SLC43A3: variants seen among roughly 807,000 people sequenced by gnomAD.
The protein encoded by SLC43A3 is equilibrative nucleobase transporter 1.
Under a neutral mutation model 53.3 loss-of-function variants are expected in SLC43A3, and 33 were observed. The observed-to-expected ratio is 0.62, with a 90% confidence interval of 0.47 to 0.83. SLC43A3 has a LOEUF of 0.83. SLC43A3 is among the 40% of genes least tolerant of loss of function. The probability of loss-of-function intolerance (pLI) is 0.00; values close to 1 mark genes in which losing one functional copy is unlikely to be tolerated. For missense variants in SLC43A3, 530 were observed against 610.0 expected, an observed-to-expected ratio of 0.87 and a Z score of 1.38; for synonymous variants, 236 against 246.2, an observed-to-expected ratio of 0.96 and a Z score of 0.39.
At position 57,407,414 on chromosome 11, in the gene SLC43A3, T is replaced by C; in HGVS notation, c.*378A>G. The C allele has an allele frequency of 5.8e-6, 1 of 172,086 alleles. No homozygotes were observed. The highest frequency in any genetic ancestry group is 1.3e-5 in the Non-Finnish European group (1 of 79,532). The allele number at this position is 172,086 out of a possible 1,614,324, so 10.7% of individuals were successfully genotyped here. The stretch of plus-strand genomic sequence containing the variant: ...CAACCTCACTCTTCACCTGAAAATT[T>C]AACCCGTGGCAGAGGATCCAGGCAC... On this transcript the variant is annotated 3_prime_UTR_variant, in exon 14 of 14. Coordinates refer to ENST00000395124, the MANE Select transcript of SLC43A3 (RefSeq NM_199329.3).
At chr11:57,409,656 T>C (rs1942361618) in intron 12 of SLC43A3, among the ~76,000 whole-genome samples, 1 of 152,166 alleles carries the variant, frequency 6.6e-6, no homozygotes, top group Non-Finnish European at 1.5e-5. Context: ...TTCCATTTCT[T>C]CCCTGGAGAA....
rs770512524 is a variant in SLC43A3, at chr11:57,425,601, G to T, written c.254C>A (p.Thr85Lys). 1 of 1,614,148 alleles carries T rather than the reference G, an allele frequency of 6.2e-7. No homozygotes were observed. The highest frequency in any genetic ancestry group is 1.1e-5 in the South Asian group (1 of 91,086). Residue 85 changes from threonine to lysine, a missense_variant, in exon 4 of 14, where the codon ACA becomes AAA. Coordinates refer to ENST00000395124, the MANE Select transcript of SLC43A3 (RefSeq NM_199329.3). Reference protein sequence around the residue: ...TLGSFMNNFMTFPTGYIFDRF... With the variant: ...TLGSFMNNFMKFPTGYIFDRF... ...GTCAAAGATGTAGCCAGTGGGGAAT[G>T]TCATGAAGTTGTTCATGAAGGACCC... is the stretch of plus-strand genomic sequence containing the variant.
chr11:57,411,951 T>C lies in SLC43A3; in HGVS notation c.1061-1830A>G, dbSNP rs1430060910. 2.0e-5 allele frequency among the ~76,000 whole-genome samples: 3 copies of C among 152,082 alleles called. No homozygotes were observed. In the East Asian group the frequency reaches 5.8e-4, roughly 29 times the overall value. The stretch of plus-strand genomic sequence containing the variant: ...AAAATCAAGGAAATAAAAATTTGAA[T>C]AAAAATATCAGTATTAAGTATTTAT... On this transcript the variant is annotated intron_variant, in intron 11 of 13. Coordinates refer to ENST00000395124, the MANE Select transcript of SLC43A3 (RefSeq NM_199329.3).
chr11:57,413,134 A>C (rs1942560025), intron 11 of SLC43A3, among the ~76,000 whole-genome samples: 1 of 152,210 alleles, frequency 6.6e-6, no homozygotes, highest in African/African-American at 2.4e-5. Flanking sequence ...GAAATACCCA[A>C]GGAAAGGAAT....
At chr11:57,418,049 G>C (rs1942802078) in intron 7 of SLC43A3, among the ~76,000 whole-genome samples, 162 bp from the exon 8 acceptor site, 1 of 152,120 alleles carries the variant, frequency 6.6e-6, no homozygotes, top group Non-Finnish European at 1.5e-5. Flanking sequence ...CCTTAAAAAA[G>C]GAAAGAGGCA....
chr11:57,425,977 C>A lies in SLC43A3; in HGVS notation c.184+12G>T. ...GACTTAACTTCCTTAGAAAAGTCAT[C>A]CCTGCCCTTACCAGCCTGCCCTGTG... On this transcript the variant is annotated intron_variant, in intron 3 of 13. Transcript: ENST00000395124. The A allele has an allele frequency of 1.2e-6, 2 of 1,612,074 alleles. No homozygotes were observed.
intron 8 of SLC43A3, 60 bp from the exon 9 acceptor site, chr11:57,416,730 G>C: frequency 7.6e-7 from 1 of 1,311,392 alleles, no homozygotes; most frequent in Admixed American, 1.7e-5. Context: ...CTGAGACTCA[G>C]ACTGGAGGGA....
At chr11:57,418,501 C>T (rs539290298) in intron 7 of SLC43A3, among the ~76,000 whole-genome samples, 6 of 152,182 alleles carry the variant, frequency 3.9e-5, no homozygotes, top group Admixed American at 2.6e-4. Flanking sequence ...TGAGACCAGC[C>T]TGGGAAACAG....
chr11:57,420,679 G>C (rs1319015091), intron 7 of SLC43A3, among the ~76,000 whole-genome samples: 1 of 152,178 alleles, frequency 6.6e-6, no homozygotes, highest in East Asian at 1.9e-4. Context: ...ACTGGCCCAA[G>C]CACATTATGA....
chr11:57,409,893 C>T (rs755072473), intron 12 of SLC43A3, 42 bp downstream of exon 12: 23 of 1,537,048 alleles, frequency 1.5e-5, no homozygotes, highest in Non-Finnish European at 1.8e-5. Flanking sequence ...CTCTTTGCCC[C>T]AGTGTGTCCG....
intron 11 of SLC43A3, among the ~76,000 whole-genome samples, chr11:57,413,420 A>G (rs910524327): frequency 1.3e-5 from 2 of 152,184 alleles, no homozygotes; most frequent in African/African-American, 4.8e-5. Flanking sequence ...TTTAGGTGTG[A>G]TCATGATTTT....
chr11:57,420,791 C>A (rs60869579), intron 7 of SLC43A3, among the ~76,000 whole-genome samples, 181 bp downstream of exon 7: 1 of 152,106 alleles, frequency 6.6e-6, no homozygotes, highest in Non-Finnish European at 1.5e-5. Flanking sequence ...AGTATCATGG[C>A]TACTAGCTGC....
intron 5 of SLC43A3, among the ~76,000 whole-genome samples, chr11:57,421,801 T>G (rs1942998494): frequency 6.6e-6 from 1 of 152,178 alleles, no homozygotes; most frequent in Admixed American, 6.5e-5. Flanking sequence ...GCTTCAATCA[T>G]CTGTTTAATG....
Position 57,421,365 on chromosome 11 carries a change from C to A in SLC43A3, c.370G>T (p.Val124Leu). 1 of 1,613,704 alleles carries A rather than the reference C, an allele frequency of 6.2e-7. No homozygotes were observed. Among genetic ancestry groups the A allele is most frequent in the Non-Finnish European group, 8.5e-7 (1 of 1,179,824 alleles). ...IIAFTSAGSA[V>L]LLFLAMPMLT... is the part of the protein sequence containing the mutation. ...ATTGGCATGGCCAGGAAGAGCAGCA[C>A]GGCTGAGCCTGGACCATCAAAGTCA... The change falls in exon 6 of 14, where the codon GTG becomes TTG. Residue 124 changes from valine (V) to leucine (L), a missense_variant. Transcript: ENST00000395124.
chr11:57,416,504 G>T, intron 9 of SLC43A3, 69 bp downstream of exon 9: 4 of 1,252,002 alleles, frequency 3.2e-6, no homozygotes, highest in East Asian at 2.3e-5. Flanking sequence ...CTCTGGAGGT[G>T]AGGGGCCAGG....
At chr11:57,409,667 C>A (rs1369496204) in intron 12 of SLC43A3, among the ~76,000 whole-genome samples, 1 of 152,210 alleles carries the variant, frequency 6.6e-6, no homozygotes, top group African/African-American at 2.4e-5. Flanking sequence ...CCCTGGAGAA[C>A]TGAAACAGAA....
intron 9 of SLC43A3, chr11:57,415,339 A>G (rs1331305290): frequency 6.7e-7 from 1 of 1,502,430 alleles, no homozygotes; most frequent in African/African-American, 1.4e-5. Flanking sequence ...CTCTATTGAA[A>G]TCCGATCTGT....
At chr11:57,415,258 G>C in intron 9 of SLC43A3, 152 bp from the exon 10 acceptor site, 1 of 1,534,968 alleles carries the variant, frequency 6.5e-7, no homozygotes, top group Non-Finnish European at 8.7e-7. Context: ...CACCTGCCTC[G>C]GACTCACACA....
intron 8 of SLC43A3, 65 bp downstream of exon 8, chr11:57,417,683 A>G (rs2135023806): frequency 1.3e-6 from 2 of 1,595,654 alleles, no homozygotes; most frequent in Non-Finnish European, 8.6e-7. Context: ...GGTTTGCTTT[A>G]CCCTGTCCAT....
Sources: gnomAD v4.1 joint callset for allele counts (sites outside exome capture counted in the v4.1 genomes callset) on GRCh38, gnomAD v4.1.1 for gene constraint, MANE v1.5 for transcripts, NCBI Gene and HGNC (gene_info 2026-07-23, HGNC 2026-07-21) for gene names.